OR4N2: variants seen among roughly 807,000 people sequenced by gnomAD.
OR4N2 encodes olfactory receptor 4N2.
For synonymous variants in OR4N2, 141 were observed against 140.4 expected (o/e 1.00, Z -0.03); for missense variants, 307 against 377.6 (o/e 0.81, Z 1.55).
chr14:19,828,405 G>A lies in OR4N2; in HGVS notation c.*33G>A, dbSNP rs1237969345. 1.3e-6 allele frequency: 2 copies of A among 1,509,522 alleles called. No individual in the cohort carries two copies. Among genetic ancestry groups the A allele is most frequent in the African/African-American group, 2.9e-5 (2 of 70,166 alleles). The allele number at this position is 1,509,522 out of a possible 1,614,324, so 93.5% of individuals were successfully genotyped here. ...CGCAAAAAAAAAAAGAATAAAAATAGACTGTAGAATTTTATCTGAAATTGA... is the reference window on the plus strand; with the variant it reads ...CGCAAAAAAAAAAAGAATAAAAATAAACTGTAGAATTTTATCTGAAATTGA... On this transcript the variant is annotated 3_prime_UTR_variant, in exon 2 of 2. Coordinates refer to ENST00000557677, the MANE Select transcript of OR4N2 (RefSeq NM_001004723.3).
chr14:19,817,979 T>C (rs566133823), intron 1 of OR4N2, among the ~76,000 whole-genome samples: 1 of 152,268 alleles, frequency 6.6e-6, no homozygotes, highest in Non-Finnish European at 1.5e-5. Flanking sequence ...TTGTTCAGTT[T>C]CCATGTGTTG....
Position 19,828,342 on chromosome 14 carries a change from G to T in OR4N2, c.894G>T (p.Met298Ile), listed in dbSNP as rs1879780455. The change falls in exon 2 of 2, where the codon ATG (methionine) becomes ATT (isoleucine). Residue 298 changes from methionine to isoleucine, a missense_variant. Met to Ile is a conservative substitution (Grantham distance 10). Transcript: ENST00000557677. ...TLRNQEVKAS[M>I]KKVFNKHIA ...GCAACCAGGAAGTGAAAGCTTCCAT[G>T]AAAAAGGTGTTTAATAAGCACATAG... The T allele has an allele frequency of 6.2e-7, 1 of 1,605,330 alleles. No individual in the cohort carries two copies.
chr14:19,816,490 C>T (rs1305830196), intron 1 of OR4N2, among the ~76,000 whole-genome samples: 1 of 152,142 alleles, frequency 6.6e-6, no homozygotes, highest in Non-Finnish European at 1.5e-5. Flanking sequence ...CATGATTTGG[C>T]TGTTTATCTA....
Position 19,818,162 on chromosome 14 carries a change from T to C in OR4N2, c.-9-9278T>C, listed in dbSNP as rs1287789263. On this transcript the variant is annotated intron_variant, in intron 1 of 1. Transcript: ENST00000557677. Reference sequence around the variant, plus strand: ...GTGGTGCTGAGAAGAATATATATTCTGTTGATTTGGGGTGGAGAGTTTTGT... The same window carrying C: ...GTGGTGCTGAGAAGAATATATATTCCGTTGATTTGGGGTGGAGAGTTTTGT... Among the ~76,000 whole-genome samples, 3 of 152,396 alleles carry C rather than the reference T, an allele frequency of 2.0e-5. No individual in the cohort carries two copies. In the East Asian group the frequency reaches 5.8e-4, roughly 29 times the overall value.
rs1286259748 is a variant in OR4N2, at chr14:19,828,435, T to C, written c.*63T>C. The C allele has an allele frequency of 2.2e-5, 31 of 1,429,876 alleles. No individual in the cohort carries two copies. The highest frequency in any genetic ancestry group is 8.7e-5 in the African/African-American group (6 of 68,846). The allele number at this position is 1,429,876 out of a possible 1,614,324, so 88.6% of individuals were successfully genotyped here. A position where few individuals can be genotyped will look rare whatever the true frequency, so the allele number is the denominator to read the frequency against. On this transcript the variant is annotated 3_prime_UTR_variant, in exon 2 of 2. Coordinates refer to ENST00000557677, the MANE Select transcript of OR4N2 (RefSeq NM_001004723.3). ...TAGAATTTTATCTGAAATTGATTTGTTTATTTCCAAGTACTGCAATCACTG... is the reference window on the plus strand; with the variant it reads ...TAGAATTTTATCTGAAATTGATTTGCTTATTTCCAAGTACTGCAATCACTG...
intron 1 of OR4N2, among the ~76,000 whole-genome samples, chr14:19,822,777 A>G (rs1409215334): frequency 1.3e-5 from 2 of 152,268 alleles, no homozygotes; most frequent in African/African-American, 4.8e-5. Flanking sequence ...TAATACCATC[A>G]TCACCTCATT....
intron 1 of OR4N2, among the ~76,000 whole-genome samples, chr14:19,812,016 T>C (rs1879308354): frequency 6.6e-6 from 1 of 152,228 alleles, no homozygotes; most frequent in Admixed American, 6.5e-5. Flanking sequence ...AGAAGAAATA[T>C]ATGTGTAGAG....
chr14:19,818,009 C>G lies in OR4N2; in HGVS notation c.-9-9431C>G, dbSNP rs1278189776. On this transcript the variant is annotated intron_variant, in intron 1 of 1. Transcript: ENST00000557677. ...GTGTTGTGCGATTTTGAGTGAGTTT[C>G]TTAATCCTGAGTTCTAATTTGATTG... Among the ~76,000 whole-genome samples the G allele has an allele frequency of 6.1e-4, 93 of 152,358 alleles. 1 individual carries two copies. The highest frequency in any genetic ancestry group is 6.1e-3 in the Admixed American group (93 of 15,302).
At chr14:19,817,345 A>AT (rs1465578764) in intron 1 of OR4N2, among the ~76,000 whole-genome samples, 3 of 152,226 alleles carry the variant, frequency 2.0e-5, no homozygotes, top group Non-Finnish European at 4.4e-5. Context: ...TTGGTAGGCT[A>AT]TTAATTACTG....
rs541970393 is a variant in OR4N2, at chr14:19,829,798, C to T, written c.*1426C>T. 1 of 152,298 alleles carries T rather than the reference C, an allele frequency of 6.6e-6. No homozygotes were observed. Among genetic ancestry groups the T allele is most frequent in the South Asian group, 2.1e-4 (1 of 4,824 alleles). 9.4% of individuals were successfully genotyped at this position (152,298 alleles called of 1,614,324 possible). On this transcript the variant is annotated 3_prime_UTR_variant, in exon 2 of 2. Coordinates refer to ENST00000557677, the MANE Select transcript of OR4N2 (RefSeq NM_001004723.3). ...TAAAATATTTTATTTTTGATAATCG[C>T]CAAAGTTTATACTTAGGAATATAAA...
intron 1 of OR4N2, among the ~76,000 whole-genome samples, chr14:19,818,682 T>C (rs552977510): frequency 4.5e-4 from 68 of 152,312 alleles, no homozygotes; most frequent in African/African-American, 1.5e-3. Context: ...CCCATTTACA[T>C]TTAAGGTTAA....
chr14:19,820,233 G>C (rs1879530431), intron 1 of OR4N2, among the ~76,000 whole-genome samples: 1 of 152,248 alleles, frequency 6.6e-6, no homozygotes, highest in Admixed American at 6.5e-5. Flanking sequence ...AGATCTGCTG[G>C]ATCTCCTGGA....
chr14:19,815,661 T>G (rs557544505), intron 1 of OR4N2, among the ~76,000 whole-genome samples: 684 of 151,386 alleles, frequency 4.5e-3, no homozygotes, highest in African/African-American at 5.3e-3. Flanking sequence ...TTTTGTTTTT[T>G]TTTTTTTTGT....
intron 1 of OR4N2, among the ~76,000 whole-genome samples, chr14:19,806,134 A>G (rs1218015083): frequency 1.3e-5 from 2 of 152,176 alleles, no homozygotes; most frequent in Non-Finnish European, 2.9e-5. Context: ...GCTTAAGCAC[A>G]TAGCCCATAG....
intron 1 of OR4N2, among the ~76,000 whole-genome samples, chr14:19,811,393 C>T (rs1217413805): frequency 1.3e-5 from 2 of 152,146 alleles, no homozygotes; most frequent in Non-Finnish European, 2.9e-5. Flanking sequence ...ACTACAGGCG[C>T]CCACCACCAC....
At chr14:19,806,444 G>T (rs1879167024) in intron 1 of OR4N2, among the ~76,000 whole-genome samples, 1 of 151,890 alleles carries the variant, frequency 6.6e-6, no homozygotes, top group African/African-American at 2.4e-5. Context: ...TATAGCATAT[G>T]AAACAAGCCA....
intron 1 of OR4N2, among the ~76,000 whole-genome samples, chr14:19,820,325 AG>A (rs1267542492): frequency 6.6e-6 from 1 of 152,248 alleles, no homozygotes; most frequent in Admixed American, 6.5e-5. Flanking sequence ...GTCTTCTGCT[AG>A]CTTTTGAATT....
At chr14:19,807,192 A>G (rs1353670966) in intron 1 of OR4N2, among the ~76,000 whole-genome samples, 1 of 151,952 alleles carries the variant, frequency 6.6e-6, no homozygotes, top group Non-Finnish European at 1.5e-5. Flanking sequence ...AGAAAAAAAA[A>G]AAGCTCAAAG....
intron 1 of OR4N2, among the ~76,000 whole-genome samples, chr14:19,804,231 T>C (rs1015012111): frequency 1.3e-5 from 2 of 152,232 alleles, no homozygotes; most frequent in Non-Finnish European, 2.9e-5. Flanking sequence ...GTTTCCTTTA[T>C]CTTGCTAGCT....
Sources: gnomAD v4.1 joint callset for allele counts (sites outside exome capture counted in the v4.1 genomes callset) on GRCh38, gnomAD v4.1.1 for gene constraint, MANE v1.5 for transcripts, NCBI Gene and HGNC (gene_info 2026-07-23, HGNC 2026-07-21) for gene names.